PCSK5: variants seen among roughly 807,000 people sequenced by gnomAD.
PCSK5 encodes the protein prohormone convertase 5.
In PCSK5, 129 loss-of-function variants were observed where a neutral mutation model predicts 233.2. The ratio of observed to expected loss-of-function variants is 0.55; its 90% confidence interval spans 0.48 to 0.64. The LOEUF is 0.64. Among genes scored for constraint, PCSK5 ranks in the 30% least tolerant of loss-of-function variants. The pLI is 0.00. For synonymous variants in PCSK5, 825 were observed against 879.2 expected (o/e 0.94, Z 1.09); for missense variants, 2,076 against 2,430.1 (o/e 0.85, Z 3.06).
At chr9:76,224,460 TGAG>T (rs1463722286) in intron 20 of PCSK5, among the ~76,000 whole-genome samples, 1 of 151,322 alleles carries the variant, frequency 6.6e-6, no homozygotes, top group Non-Finnish European at 1.5e-5. Flanking sequence ...TTATTGCAAA[TGAG>T]GAGGTGATGT....
chr9:76,089,893 T>C (rs1433074923), intron 7 of PCSK5, among the ~76,000 whole-genome samples: 1 of 152,204 alleles, frequency 6.6e-6, no homozygotes, highest in African/African-American at 2.4e-5. Flanking sequence ...TTCTATCCTT[T>C]AATAATAATG....
At chr9:76,339,296 A>G (rs1829765295) in intron 35 of PCSK5, among the ~76,000 whole-genome samples, 1 of 152,178 alleles carries the variant, frequency 6.6e-6, no homozygotes, top group Non-Finnish European at 1.5e-5. Context: ...TAGGATACAT[A>G]CCTGTTCTTT....
intron 5 of PCSK5, among the ~76,000 whole-genome samples, chr9:76,047,119 C>T (rs756008776): frequency 6.7e-6 from 1 of 149,414 alleles, no homozygotes; most frequent in East Asian, 2.0e-4. Context: ...TTTTTTGAGA[C>T]GGAGTCTTGC....
intron 5 of PCSK5, among the ~76,000 whole-genome samples, chr9:76,041,941 T>C (rs1285729648): frequency 6.6e-6 from 1 of 152,258 alleles, no homozygotes; most frequent in Non-Finnish European, 1.5e-5. Context: ...CTAATGTTTT[T>C]TACAGTCATC....
At position 76,157,138 on chromosome 9, in the gene PCSK5, T is replaced by A; in HGVS notation, c.1406T>A (p.Val469Glu). The change falls in exon 11 of 38, where the codon GTG becomes GAG. Residue 469 changes from valine to glutamate, a missense_variant. By Grantham distance (121) the Val-to-Glu change is moderately radical. Coordinates refer to ENST00000674117, the MANE Select transcript of PCSK5 (RefSeq NM_001372043.1). ...ACCGTTCCCCGGCAGCACGTGTGTG[T>A]GGAGAGCACAGACCGACAAATCAAG... is the stretch of plus-strand genomic sequence containing the variant. Reference protein sequence around the residue: ...WTTVPRQHVCVESTDRQIKTI... With the variant: ...WTTVPRQHVCEESTDRQIKTI... 6.2e-7 allele frequency: 1 copy of A among 1,612,946 alleles called. No homozygotes were observed. The highest frequency in any genetic ancestry group is 8.5e-7 in the Non-Finnish European group (1 of 1,179,398).
chr9:76,115,558 A>T (rs1003204237), intron 9 of PCSK5, among the ~76,000 whole-genome samples: 1 of 152,042 alleles, frequency 6.6e-6, no homozygotes, highest in Non-Finnish European at 1.5e-5. Flanking sequence ...GGGTTTGTGG[A>T]TTTTACTCAA....
At chr9:76,065,492 C>G (rs371995772) in intron 5 of PCSK5, among the ~76,000 whole-genome samples, 7 of 152,028 alleles carry the variant, frequency 4.6e-5, no homozygotes, top group African/African-American at 1.7e-4. Context: ...AATCATTTGT[C>G]CATTTTAAAA....
intron 2 of PCSK5, among the ~76,000 whole-genome samples, chr9:75,965,627 G>T (rs942245778): frequency 1.3e-5 from 2 of 152,166 alleles, no homozygotes; most frequent in African/African-American, 4.8e-5. Context: ...CCACCAATTC[G>T]ATGCTGATCC....
At chr9:76,133,835 G>A (rs747465106) in intron 9 of PCSK5, among the ~76,000 whole-genome samples, 5 of 151,868 alleles carry the variant, frequency 3.3e-5, no homozygotes, top group Non-Finnish European at 5.9e-5. Context: ...AACCGGAAAC[G>A]CTCACCCTTT....
intron 2 of PCSK5, among the ~76,000 whole-genome samples, chr9:75,950,872 C>T (rs1474762890): frequency 6.6e-6 from 1 of 152,170 alleles, no homozygotes; most frequent in African/African-American, 2.4e-5. Context: ...GCTAAATGCT[C>T]CAATTAAAAG....
intron 7 of PCSK5, among the ~76,000 whole-genome samples, chr9:76,093,745 C>T (rs767400664): frequency 3.3e-5 from 5 of 152,138 alleles, no homozygotes; most frequent in South Asian, 2.1e-4. Context: ...CTGATTTTTG[C>T]CTGTAACACA....
At chr9:76,200,387 T>C (rs183654655) in intron 20 of PCSK5, among the ~76,000 whole-genome samples, 6 of 152,132 alleles carry the variant, frequency 3.9e-5, no homozygotes, top group African/African-American at 1.4e-4. Flanking sequence ...AATAACTTCC[T>C]CTGAGCAGTT....
rs1378019292 is a variant in PCSK5 at position 75,994,422 on chromosome 9, T to C, written c.411+8177T>C. ...TTTCTTTTTTTTTTTTTTTTTTTTT[T>C]TTTTTTTTTTTTTTTTTTTTGAGAT... On this transcript the variant is annotated intron_variant, in intron 3 of 37. Coordinates refer to ENST00000674117, the MANE Select transcript of PCSK5 (RefSeq NM_001372043.1). 8.7e-4 allele frequency among the ~76,000 whole-genome samples: 31 copies of C among 35,676 alleles called. 1 individual carries two copies. Among genetic ancestry groups the C allele is most frequent in the Non-Finnish European group, 2.1e-3 (29 of 13,640 alleles). The allele number at this position is 35,676 out of a possible 152,430, so 23.4% of individuals were successfully genotyped here.
chr9:75,927,621 G>A (rs971363038), intron 1 of PCSK5, among the ~76,000 whole-genome samples: 1 of 152,134 alleles, frequency 6.6e-6, no homozygotes, highest in Non-Finnish European at 1.5e-5. Flanking sequence ...GCATGCTCAG[G>A]TGAAGCTGCC....
At chr9:76,208,167 G>A (rs1825195180) in intron 20 of PCSK5, among the ~76,000 whole-genome samples, 1 of 152,106 alleles carries the variant, frequency 6.6e-6, no homozygotes, top group East Asian at 1.9e-4. Context: ...CTCTCCTCTT[G>A]ATACTGTCAT....
chr9:75,949,814 G>A (rs1180016234), intron 2 of PCSK5, among the ~76,000 whole-genome samples: 4 of 152,076 alleles, frequency 2.6e-5, no homozygotes, highest in African/African-American at 9.7e-5. Flanking sequence ...ATGAGCCACC[G>A]CGCCTGGCCT....
intron 2 of PCSK5, among the ~76,000 whole-genome samples, chr9:75,969,849 G>A (rs2131362208): frequency 6.6e-6 from 1 of 151,742 alleles, no homozygotes; most frequent in Admixed American, 6.6e-5. Context: ...TCTCAAACAC[G>A]GGTTCCTTGG....
intron 33 of PCSK5, among the ~76,000 whole-genome samples, chr9:76,331,791 G>C (rs116566360): frequency 0.013 from 2,041 of 152,262 alleles, 44 homozygotes; most frequent in African/African-American, 0.047. Context: ...AAGGGGCCAT[G>C]AGCCAAGGCA....
At chr9:75,968,954 TTG>T (rs796964827) in intron 2 of PCSK5, among the ~76,000 whole-genome samples, 61 of 151,522 alleles carry the variant, frequency 4.0e-4, no homozygotes, top group African/African-American at 1.4e-3. Flanking sequence ...TCGGGAACAT[TTG>T]TGTTCACTGG....
Sources: gnomAD v4.1 joint callset for allele counts (sites outside exome capture counted in the v4.1 genomes callset) on GRCh38, gnomAD v4.1.1 for gene constraint, MANE v1.5 for transcripts, NCBI Gene and HGNC (gene_info 2026-07-23, HGNC 2026-07-21) for gene names.